PPM1L: variants seen among roughly 807,000 people sequenced by gnomAD.
The protein encoded by PPM1L is protein phosphatase 1L.
In PPM1L, 13 loss-of-function variants were observed where a neutral mutation model predicts 31.4. That is an observed-to-expected ratio of 0.41 (90% CI 0.27 to 0.66). The LOEUF is 0.66. Ranked by LOEUF, PPM1L falls within the 30% of genes least tolerant of loss-of-function variation. The probability of loss-of-function intolerance (pLI) is 0.29; values close to 1 mark genes in which losing one functional copy is unlikely to be tolerated. For missense variants in PPM1L, 326 were observed against 453.7 expected (o/e 0.72, Z 2.56); for synonymous variants, 184 against 175.4 (o/e 1.05, Z -0.39).
intron 1 of PPM1L, among the ~76,000 whole-genome samples, chr3:160,936,618 G>T (rs1366294279): frequency 6.6e-6 from 1 of 152,124 alleles, no homozygotes; most frequent in African/African-American, 2.4e-5. Context: ...GTGTAATTAT[G>T]CCAGTTAGTT....
chr3:160,841,809 T>C (rs1194245457), intron 1 of PPM1L, among the ~76,000 whole-genome samples: 2 of 152,238 alleles, frequency 1.3e-5, no homozygotes, highest in African/African-American at 4.8e-5. Flanking sequence ...AAGATACTTT[T>C]GTCTTATGTG....
At chr3:160,839,463 TATG>T (rs1169874442) in intron 1 of PPM1L, among the ~76,000 whole-genome samples, 2 of 151,968 alleles carry the variant, frequency 1.3e-5, no homozygotes, top group Non-Finnish European at 2.9e-5. Context: ...CCACCACTCT[TATG>T]GTTTATTTTT....
chr3:160,828,262 A>G (rs73875406), intron 1 of PPM1L, among the ~76,000 whole-genome samples: 2,746 of 152,098 alleles, frequency 0.018, 83 homozygotes, highest in African/African-American at 0.059. Context: ...CCACTTTACC[A>G]TGTATGTATT....
intron 1 of PPM1L, among the ~76,000 whole-genome samples, chr3:160,760,652 G>T (rs756901368): frequency 4.9e-4 from 74 of 151,698 alleles, no homozygotes; most frequent in Non-Finnish European, 8.5e-4. Flanking sequence ...AATGATTTTT[G>T]TCTAGGAAAA....
At chr3:160,988,778 T>C (rs554554535) in intron 2 of PPM1L, among the ~76,000 whole-genome samples, 2 of 152,306 alleles carry the variant, frequency 1.3e-5, no homozygotes, top group Admixed American at 1.3e-4. Context: ...TAAGCTCTGC[T>C]AACCTGCTTC....
intron 1 of PPM1L, among the ~76,000 whole-genome samples, chr3:160,858,883 A>G (rs1576674561): frequency 6.6e-6 from 1 of 152,212 alleles, no homozygotes; most frequent in South Asian, 2.1e-4. Flanking sequence ...TTCTCCCTGT[A>G]CTTGAAAAAG....
chr3:160,971,870 T>C (rs953801631), intron 2 of PPM1L, among the ~76,000 whole-genome samples: 1 of 152,154 alleles, frequency 6.6e-6, no homozygotes, highest in African/African-American at 2.4e-5. Flanking sequence ...CTCAAGGGAC[T>C]CTCCAGCCTC....
rs534258287 is a variant in PPM1L, at chr3:160,892,632, C to T, written c.400-69104C>T. 8.4e-4 allele frequency among the ~76,000 whole-genome samples: 128 copies of T among 151,904 alleles called. 1 individual carries two copies. The highest frequency in any genetic ancestry group is 2.9e-3 in the African/African-American group (120 of 41,390). On this transcript the variant is annotated intron_variant, in intron 1 of 3. Transcript: ENST00000498165. The stretch of plus-strand genomic sequence containing the variant: ...ACTATACAATGTGTAAAAACCCCTT[C>T]GTTCCACATTGGGGTTTCGTATTAT...
At chr3:160,981,720 C>T (rs539517270) in intron 2 of PPM1L, among the ~76,000 whole-genome samples, 34 of 149,196 alleles carry the variant, frequency 2.3e-4, no homozygotes, top group Admixed American at 3.4e-4. Context: ...CTATTATCAC[C>T]TTTCCTTCTC....
intron 1 of PPM1L, among the ~76,000 whole-genome samples, chr3:160,901,084 T>A (rs1310795385): frequency 6.6e-6 from 1 of 152,120 alleles, no homozygotes; most frequent in Admixed American, 6.6e-5. Flanking sequence ...GTTCCTCAAC[T>A]CTCTTTTCTT....
At chr3:160,986,859 T>G (rs538509936) in intron 2 of PPM1L, among the ~76,000 whole-genome samples, 2 of 152,354 alleles carry the variant, frequency 1.3e-5, no homozygotes, top group African/African-American at 4.8e-5. Flanking sequence ...ATATCAAAGT[T>G]TCTTACATAT....
intron 1 of PPM1L, among the ~76,000 whole-genome samples, chr3:160,890,123 A>G (rs970078392): frequency 6.6e-6 from 1 of 152,222 alleles, no homozygotes; most frequent in African/African-American, 2.4e-5. Context: ...CCTGTTCAAC[A>G]TAGTATTGGA....
At chr3:161,055,549 T>G (rs1719388289) in intron 2 of PPM1L, among the ~76,000 whole-genome samples, 1 of 152,166 alleles carries the variant, frequency 6.6e-6, no homozygotes, top group Admixed American at 6.5e-5. Flanking sequence ...ATTGTGTTAT[T>G]GAACTAACAC....
intron 1 of PPM1L, among the ~76,000 whole-genome samples, chr3:160,892,048 T>C (rs775705390): frequency 6.6e-6 from 1 of 152,190 alleles, no homozygotes; most frequent in Non-Finnish European, 1.5e-5. Context: ...CTAATGTTGA[T>C]GACGGGTTGA....
rs142732833 is a variant in PPM1L at position 160,896,245 on chromosome 3, C to T, written c.400-65491C>T. 4.3e-3 allele frequency among the ~76,000 whole-genome samples: 659 copies of T among 152,150 alleles called. 2 individuals are homozygous for T. The highest frequency in any genetic ancestry group is 0.015 in the African/African-American group (629 of 41,494). On this transcript the variant is annotated intron_variant, in intron 1 of 3. Transcript: ENST00000498165. ...TGGGAAAAAAATCTTTATTTTTAAA[C>T]GCCTTCTAGTATGTATTCTTTTATG... is the stretch of plus-strand genomic sequence containing the variant.
At chr3:160,814,465 T>G (rs1712902343) in intron 1 of PPM1L, among the ~76,000 whole-genome samples, 1 of 150,836 alleles carries the variant, frequency 6.6e-6, no homozygotes, top group Non-Finnish European at 1.5e-5. Flanking sequence ...ATGAAGATGA[T>G]GTGGTGTATA....
chr3:160,934,932 C>T (rs1347814716), intron 1 of PPM1L, among the ~76,000 whole-genome samples: 3 of 151,504 alleles, frequency 2.0e-5, no homozygotes, highest in Admixed American at 1.3e-4. Flanking sequence ...TGGGCAACAA[C>T]AGAGTGACAC....
At chr3:160,806,404 A>G (rs1712602103) in intron 1 of PPM1L, among the ~76,000 whole-genome samples, 1 of 152,150 alleles carries the variant, frequency 6.6e-6, no homozygotes, top group Non-Finnish European at 1.5e-5. Flanking sequence ...TCAGACATGT[A>G]ATAACTGTTC....
chr3:160,938,564 T>C (rs1715056733), intron 1 of PPM1L, among the ~76,000 whole-genome samples: 1 of 152,226 alleles, frequency 6.6e-6, no homozygotes, highest in Admixed American at 6.5e-5. Flanking sequence ...CTTTGTAGCC[T>C]GCCTTAAATT....
Sources: allele counts gnomAD v4.1 joint callset (sites outside exome capture counted in the v4.1 genomes callset), GRCh38; gene constraint gnomAD v4.1.1; transcripts MANE v1.5; gene names NCBI Gene and HGNC (gene_info 2026-07-23, HGNC 2026-07-21).